Variants in ATP13A1 observed in about 807,000 individuals in gnomAD.
ATP13A1 encodes endoplasmic reticulum transmembrane helix translocase.
A neutral mutation model predicts 134.8 loss-of-function variants in ATP13A1; 55 were observed. The observed-to-expected ratio is 0.41, with a 90% CI of 0.33 to 0.51. The LOEUF is 0.51. Among genes scored for constraint, ATP13A1 ranks in the 20% least tolerant of loss-of-function variants. The probability of loss-of-function intolerance (pLI) is 0.29; values close to 1 mark genes in which losing one functional copy is unlikely to be tolerated. For missense variants in ATP13A1, 1,389 were observed against 1,652.8 expected (o/e 0.84, Z 2.77); for synonymous variants, 775 against 725.1 (o/e 1.07, Z -1.10).
intron 22 of ATP13A1, chr19:19,646,681 G>C: frequency 1.3e-5 from 5 of 399,062 alleles, no homozygotes; most frequent in Non-Finnish European, 2.3e-5. Context: ...TCCAGCCACC[G>C]GGGACTCCCT....
chr19:19,655,488 G>A lies in ATP13A1; in HGVS notation c.1397-35C>T. 6.2e-7 allele frequency: 1 copy of A among 1,614,002 alleles called. No homozygotes were observed. The highest frequency in any genetic ancestry group is 1.3e-5 in the African/African-American group (1 of 75,062). On this transcript the variant is annotated intron_variant, in intron 10 of 25. Coordinates refer to ENST00000357324, the MANE Select transcript of ATP13A1 (RefSeq NM_020410.3). The surrounding 1 kb of genome is among the most constrained non-coding windows in gnomAD (Gnocchi z 5.7). Reference sequence around the variant, plus strand: ...CAGGGCCTGCCAACCTGGAGCCTCGGAGGGTGGGCGCAGGGGACCACAGAG... The same window carrying A: ...CAGGGCCTGCCAACCTGGAGCCTCGAAGGGTGGGCGCAGGGGACCACAGAG...
In ATP13A1 at chr19:19,663,025, A is replaced by G. The variant is rs147717296; in HGVS notation, c.396+246T>C. ...CTAAGCCTTTTACAAGTATTACATCACTGAATCTAAATGACCATAACAGGG... is the reference window on the plus strand; with the variant it reads ...CTAAGCCTTTTACAAGTATTACATCGCTGAATCTAAATGACCATAACAGGG... On this transcript the variant is annotated intron_variant, in intron 1 of 25. Transcript: ENST00000357324. 3.7e-3 allele frequency: 2,596 copies of G among 701,174 alleles called. 53 individuals carry two copies. The African/African-American group carries it at 0.041, about 11-fold the overall frequency. 43.4% of individuals were successfully genotyped at this position (701,174 alleles called of 1,614,324 possible).
chr19:19,652,550 C>T (rs2062031460), intron 16 of ATP13A1, 45 bp downstream of exon 16: 1 of 1,581,398 alleles, frequency 6.3e-7, no homozygotes, highest in Non-Finnish European at 8.6e-7. Flanking sequence ...CATCTCCTCG[C>T]CTCTATTTCC....
In ATP13A1 at chr19:19,655,940, A is replaced by C. The variant is rs912956091; in HGVS notation, c.1214-7T>G. 6.2e-7 allele frequency: 1 copy of C among 1,603,680 alleles called. No homozygotes were observed. The highest frequency in any genetic ancestry group is 8.5e-7 in the Non-Finnish European group (1 of 1,178,328). ...ACGCACCCGCTGTCAACCGCTGGGG[A>C]GAGAAGCAGAGTCACCGTCATGCCT... On this transcript the variant is annotated splice_region_variant and splice_polypyrimidine_tract_variant and intron_variant, in intron 8 of 25. Transcript: ENST00000357324. The surrounding 1 kb of genome is among the most constrained non-coding windows in gnomAD (Gnocchi z 5.7).
chr19:19,654,821 G>A (rs928624373), intron 12 of ATP13A1, 121 bp from the exon 13 acceptor site: 8 of 1,209,154 alleles, frequency 6.6e-6, no homozygotes, highest in East Asian at 2.5e-5. Flanking sequence ...TGGCTTGGGC[G>A]CCAACTGGGT....
chr19:19,654,442 C>G (rs1599433004), intron 13 of ATP13A1, 101 bp downstream of exon 13: 1 of 1,395,940 alleles, frequency 7.2e-7, no homozygotes, highest in East Asian at 2.4e-5. Flanking sequence ...GAGCTGTAGG[C>G]CTGCCTGTCC....
intron 17 of ATP13A1, chr19:19,650,673 G>A (rs2062018401): frequency 6.5e-6 from 1 of 152,674 alleles, no homozygotes. Context: ...GCTGGGACAG[G>A]GGGAGGCCTG....
rs1254872937 is a variant in ATP13A1 at position 19,654,068 on chromosome 19, C to T, written c.1890G>A (p.Leu630=). 1.3e-6 allele frequency: 2 copies of T among 1,595,666 alleles called. No homozygotes were observed. The highest frequency in any genetic ancestry group is 1.8e-5 in the Admixed American group (1 of 56,864). ...ACGAGGCAAGCACGGACATTCGCTT[C>T]AGGGCACTGGCAAAATGAAAGCGCT... The part of the protein sequence containing the change: ...IHQRFHFASA[L]KRMSVLASYE... The change falls in exon 14 of 26, where the codon CTG becomes CTA. Residue 630 remains leucine (L), a synonymous_variant. Coordinates refer to ENST00000357324, the MANE Select transcript of ATP13A1 (RefSeq NM_020410.3).
In ATP13A1 at chr19:19,656,297, G is replaced by T; in HGVS notation, c.1084-114C>A. The T allele has an allele frequency of 7.2e-7, 1 of 1,396,090 alleles. No individual in the cohort carries two copies. The allele number at this position is 1,396,090 out of a possible 1,614,324, so 86.5% of individuals were successfully genotyped here. ...GAATGAGCCAGGGGGATCCCCACCCGACCAATACATCCCACCCAGCTCCCA... is the reference window on the plus strand; with the variant it reads ...GAATGAGCCAGGGGGATCCCCACCCTACCAATACATCCCACCCAGCTCCCA... On this transcript the variant is annotated intron_variant, in intron 7 of 25. Coordinates refer to ENST00000357324, the MANE Select transcript of ATP13A1 (RefSeq NM_020410.3). The surrounding 1 kb of genome is among the most constrained non-coding windows in gnomAD (Gnocchi z 4.6).
In ATP13A1 at chr19:19,656,036, C is replaced by A. The variant is rs371703336; in HGVS notation, c.1213+18G>T. Reference sequence around the variant, plus strand: ...GGGTGGAAGCCCAGATACCCCCAGACGCCCATGAGGCACCTACGCTTCAGG... The same window carrying A: ...GGGTGGAAGCCCAGATACCCCCAGAAGCCCATGAGGCACCTACGCTTCAGG... On this transcript the variant is annotated intron_variant, in intron 8 of 25. Transcript: ENST00000357324. The surrounding 1 kb of genome is among the most constrained non-coding windows in gnomAD (Gnocchi z 4.6). The A allele has an allele frequency of 6.2e-7, 1 of 1,613,334 alleles. No individual in the cohort carries two copies. Among genetic ancestry groups the A allele is most frequent in the South Asian group, 1.1e-5 (1 of 91,068 alleles).
Position 19,645,523 on chromosome 19 carries a change from C to T in ATP13A1, c.3514G>A (p.Val1172Ile). The part of the protein sequence containing the change: ...LVDIPVEFKL[V>I]IAQVLLLDFC... The stretch of plus-strand genomic sequence containing the variant: ...TCCAGGAGCAGGACCTGGGCAATGA[C>T]CAGCTTGAACTGTCGGGGCAGGGAG... Residue 1172 changes from valine to isoleucine, a missense_variant, in exon 26 of 26, where the codon GTC becomes ATC. Val to Ile is a conservative substitution (Grantham distance 29). Around this residue, in one of 4 missense-constraint regions of ATP13A1, gnomAD observed 228 missense variants for 321.0 expected, o/e 0.71. Transcript: ENST00000357324. The surrounding 1 kb of genome is among the most constrained non-coding windows in gnomAD (Gnocchi z 4.1). 1 of 1,601,492 alleles carries T rather than the reference C, an allele frequency of 6.2e-7. No individual in the cohort carries two copies. The highest frequency in any genetic ancestry group is 8.5e-7 in the Non-Finnish European group (1 of 1,174,320).
chr19:19,647,464 T>A lies in ATP13A1; in HGVS notation c.2858A>T (p.Asp953Val). 1 of 1,613,458 alleles carries A rather than the reference T, an allele frequency of 6.2e-7. No homozygotes were observed. The highest frequency in any genetic ancestry group is 8.5e-7 in the Non-Finnish European group (1 of 1,179,716). ...DESTPIVKLG[D>V]ASIAAPFTSK... ...GGTGAAGGGTGCTGCGATGCTGGCATCCCCCAGTTTCACAATGGGCGTACT... is the reference window on the plus strand; with the variant it reads ...GGTGAAGGGTGCTGCGATGCTGGCAACCCCCAGTTTCACAATGGGCGTACT... Residue 953 changes from aspartate (D) to valine (V), a missense_variant, in exon 21 of 26, where the codon GAT (aspartate) becomes GTT (valine). Physicochemically the swap from Asp to Val is radical, Grantham distance 152. Around this residue, in one of 4 missense-constraint regions of ATP13A1, gnomAD observed 121 missense variants for 104.9 expected, o/e 1.15. Transcript: ENST00000357324. This position sits in a 1 kb window ranked among gnomAD's most constrained non-coding sequence, Gnocchi z 4.8.
chr19:19,656,744 C>G lies in ATP13A1; in HGVS notation c.999G>C (p.Leu333=), dbSNP rs765132725. ...VSIGRSPQEN[L]VPCDVLLLRG... is the part of the protein sequence containing the mutation. ...GCAGCAGAAGCACGTCACATGGCAC[C>G]AGGTTCTCCTGTGGGGAGCGGCCTG... The change falls in exon 7 of 26, where the codon CTG becomes CTC. Residue 333 remains leucine, a synonymous_variant. Coordinates refer to ENST00000357324, the MANE Select transcript of ATP13A1 (RefSeq NM_020410.3). The surrounding 1 kb of genome is among the most constrained non-coding windows in gnomAD (Gnocchi z 4.6). The G allele has an allele frequency of 1.2e-6, 2 of 1,613,782 alleles. No individual in the cohort carries two copies. Among genetic ancestry groups the G allele is most frequent in the Non-Finnish European group, 1.7e-6 (2 of 1,179,878 alleles).
chr19:19,656,938 G>A lies in ATP13A1; in HGVS notation c.907-22C>T, dbSNP rs45501395. 3 of 1,605,694 alleles carry A rather than the reference G, an allele frequency of 1.9e-6. No individual in the cohort carries two copies. Among genetic ancestry groups the A allele is most frequent in the African/African-American group, 2.7e-5 (2 of 74,764 alleles). ...AGACCTGGGCGGGGCATGGGTGTCA[G>A]CACAGAAGCCGCACCTGTGCTGCAC... is the stretch of plus-strand genomic sequence containing the variant. On this transcript the variant is annotated intron_variant, in intron 5 of 25. Coordinates refer to ENST00000357324, the MANE Select transcript of ATP13A1 (RefSeq NM_020410.3). This position sits in a 1 kb window ranked among gnomAD's most constrained non-coding sequence, Gnocchi z 4.6.
chr19:19,651,889 C>A (rs2062026949), intron 16 of ATP13A1, 92 bp from the exon 17 acceptor site: 1 of 1,002,832 alleles, frequency 1.0e-6, no homozygotes, highest in Non-Finnish European at 1.5e-6. Context: ...CTAAGGTAGG[C>A]CACAGTGGGA....
chr19:19,659,494 T>G (rs2062080867), intron 3 of ATP13A1, 107 bp downstream of exon 3: 1 of 577,426 alleles, frequency 1.7e-6, no homozygotes. Context: ...TAATAGTAAA[T>G]AAATAAATAA....
rs973955925 is a variant in ATP13A1 at position 19,654,569 on chromosome 19, G to A, written c.1787C>T (p.Thr596Met). 2.5e-5 allele frequency: 41 copies of A among 1,611,980 alleles called. No homozygotes were observed. The highest frequency in any genetic ancestry group is 3.3e-5 in the Admixed American group (2 of 59,924). Residue 596 changes from threonine to methionine, a missense_variant, in exon 13 of 26, where the codon ACG (threonine) becomes ATG (methionine). Physicochemically the swap from Thr to Met is moderately conservative, Grantham distance 81 (BLOSUM62 -1). Around this residue, in one of 4 missense-constraint regions of ATP13A1, gnomAD observed 747 missense variants for 956.1 expected, o/e 0.78. Transcript: ENST00000357324. ...VGDPLEKAML[T>M]AVDWTLTKDE... ...TTTGGTCAGCGTCCAGTCCACGGCC[G>A]TCAGCATGGCCTTCTCTAGAGGGTC...
chr19:19,645,754 G>A lies in ATP13A1; in HGVS notation c.3397C>T (p.Pro1133Ser), dbSNP rs960703703. The A allele has an allele frequency of 8.7e-6, 14 of 1,606,150 alleles. No individual in the cohort carries two copies. Among genetic ancestry groups the A allele is most frequent in the Non-Finnish European group, 1.1e-5 (13 of 1,176,668 alleles). The change falls in exon 25 of 26, where the codon CCC becomes TCC. Residue 1133 changes from proline (P) to serine (S), a missense_variant. Transcript: ENST00000357324. The surrounding 1 kb of genome is among the most constrained non-coding windows in gnomAD (Gnocchi z 4.1). ...PFMESLPENK[P>S]LVWSLAVSLL... is the part of the protein sequence containing the mutation. ...GAAACTGCCAGACTCCACACCAGGGGCTTGTTCTCGGGCAGGCTCTCCATG... is the reference window on the plus strand; with the variant it reads ...GAAACTGCCAGACTCCACACCAGGGACTTGTTCTCGGGCAGGCTCTCCATG...
chr19:19,654,728 A>G, intron 12 of ATP13A1, 28 bp from the exon 13 acceptor site: 2 of 1,599,218 alleles, frequency 1.3e-6, no homozygotes, highest in Non-Finnish European at 1.7e-6. Flanking sequence ...AGCTGGTTAC[A>G]GAGTGCAGGC....
Sources: allele counts gnomAD v4.1 joint callset, GRCh38; gene constraint gnomAD v4.1.1; regional missense constraint gnomAD v4.1.1; non-coding constraint Gnocchi (gnomAD v3.1); transcripts MANE v1.5; gene names NCBI Gene and HGNC (gene_info 2026-07-23, HGNC 2026-07-21).